The following STOX1 variants were observed in gnomAD, a reference collection of about 807,000 sequenced individuals.
STOX1 encodes storkhead box 1.
STOX1 carries 57 observed loss-of-function variants against 74.8 expected under a neutral mutation model. The observed-to-expected ratio is 0.76, with a 90% CI of 0.62 to 0.95. The LOEUF (loss-of-function observed/expected upper bound fraction) is 0.95. Among genes scored for constraint, STOX1 ranks in the 40% least tolerant of loss-of-function variants. The probability of loss-of-function intolerance (pLI) is 0.00; values close to 1 mark genes in which losing one functional copy is unlikely to be tolerated. For synonymous variants in STOX1, 375 were observed against 401.3 expected, an observed-to-expected ratio of 0.93 and a Z score of 0.78; for missense variants, 1,010 against 1,117.0, an observed-to-expected ratio of 0.90 and a Z score of 1.37.
intron 1 of STOX1, among the ~76,000 whole-genome samples, chr10:68,853,410 A>G (rs1840039544): frequency 6.6e-6 from 1 of 152,152 alleles, no homozygotes; most frequent in African/African-American, 2.4e-5. Flanking sequence ...CTCATTTACC[A>G]TAAAGGTTTA....
rs1411100935 is a variant in STOX1, at chr10:68,886,460, T to C, written c.2664T>C (p.Pro888=). The C allele has an allele frequency of 6.2e-7, 1 of 1,614,092 alleles. No homozygotes were observed. The highest frequency in any genetic ancestry group is 1.7e-5 in the Admixed American group (1 of 59,978). ...AGCCAGCTAGCTGGAGTCAGAGTCC[T>C]CAGAATCAGGAAATGAGAAAACATT... ...GKKPASWSQS[P]QNQEMRKHFP... Residue 888 remains proline (P), a synonymous_variant, in exon 3 of 4, where the codon CCT becomes CCC. Coordinates refer to ENST00000298596, the MANE Select transcript of STOX1 (RefSeq NM_152709.5).
chr10:68,844,894 CT>C (rs1274519143), intron 1 of STOX1, among the ~76,000 whole-genome samples: 1 of 151,884 alleles, frequency 6.6e-6, no homozygotes, highest in Non-Finnish European at 1.5e-5. Flanking sequence ...TCCCAAGTAG[CT>C]GAGACTACAG....
intron 1 of STOX1, among the ~76,000 whole-genome samples, chr10:68,861,745 C>T (rs7078797): frequency 6.6e-6 from 1 of 151,932 alleles, no homozygotes; most frequent in Non-Finnish European, 1.5e-5. Context: ...TATGGCTGCC[C>T]ATCTTTCTGC....
chr10:68,885,329 C>G lies in STOX1; in HGVS notation c.1533C>G (p.His511Gln). The G allele has an allele frequency of 6.2e-7, 1 of 1,614,152 alleles. No homozygotes were observed. ...SHRGSTISKGHKIQKTSDLKP... is the reference protein window; with the variant it reads ...SHRGSTISKGQKIQKTSDLKP... ...GAGGAAGCACAATATCCAAAGGGCA[C>G]AAAATTCAGAAGACGAGTGATCTGA... The change falls in exon 3 of 4, where the codon CAC becomes CAG. Residue 511 changes from histidine (H) to glutamine (Q), a missense_variant. By Grantham distance (24) the His-to-Gln change is conservative (BLOSUM62 0). Transcript: ENST00000298596.
chr10:68,839,689 A>T (rs886432308), intron 1 of STOX1, among the ~76,000 whole-genome samples: 1 of 152,218 alleles, frequency 6.6e-6, no homozygotes. Context: ...CAGGAGTTTG[A>T]GACCAGCCTG....
intron 1 of STOX1, among the ~76,000 whole-genome samples, chr10:68,828,431 G>A (rs1005154947): frequency 6.6e-5 from 10 of 152,132 alleles, no homozygotes; most frequent in Non-Finnish European, 1.3e-4. Flanking sequence ...GGGCCAAGAC[G>A]CCCCGGAGAC....
At chr10:68,864,601 G>A (rs527951437) in intron 1 of STOX1, among the ~76,000 whole-genome samples, 13 of 152,222 alleles carry the variant, frequency 8.5e-5, no homozygotes, top group Non-Finnish European at 1.9e-4. Context: ...AGGAGTCAAA[G>A]TCAGTGAATT....
rs116057553 is a variant in STOX1, at chr10:68,867,473, G to A, written c.311-14485G>A. On this transcript the variant is annotated intron_variant, in intron 1 of 3. Coordinates refer to ENST00000298596, the MANE Select transcript of STOX1 (RefSeq NM_152709.5). ...AGAACTGAGGGTGGTTGCTCAGGGC[G>A]CTGTTCTAATAGCCACTGGGGTGAC... Among the ~76,000 whole-genome samples, 357 of 152,216 alleles carry A rather than the reference G, an allele frequency of 2.3e-3. 1 individual carries two copies. The highest frequency in any genetic ancestry group is 8.3e-3 in the African/African-American group (343 of 41,532).
intron 3 of STOX1, 139 bp from the exon 4 acceptor site, chr10:68,892,449 TA>T: frequency 1.3e-6 from 1 of 780,276 alleles, no homozygotes; most frequent in Non-Finnish European, 2.1e-6. Context: ...TTCGGATTTT[TA>T]AAGGTTAACT....
At chr10:68,874,203 C>T (rs546893565) in intron 1 of STOX1, among the ~76,000 whole-genome samples, 5 of 151,884 alleles carry the variant, frequency 3.3e-5, no homozygotes, top group African/African-American at 4.8e-5. Flanking sequence ...AACATCTTAA[C>T]GTATGTCCCT....
At chr10:68,835,127 C>G (rs1291278453) in intron 1 of STOX1, among the ~76,000 whole-genome samples, 1 of 152,060 alleles carries the variant, frequency 6.6e-6, no homozygotes, top group African/African-American at 2.4e-5. Context: ...CTGTAGCCTC[C>G]ACCTCCTGGG....
rs1191380144 is a variant in STOX1 at position 68,885,175 on chromosome 10, C to A, written c.1379C>A (p.Pro460His). The A allele has an allele frequency of 6.2e-7, 1 of 1,614,000 alleles. No homozygotes were observed. The highest frequency in any genetic ancestry group is 2.2e-5 in the East Asian group (1 of 44,898). Residue 460 changes from proline (P) to histidine (H), a missense_variant, in exon 3 of 4, where the codon CCC (proline) becomes CAC (histidine). By Grantham distance (77) the Pro-to-His change is moderately conservative (BLOSUM62 -2). Coordinates refer to ENST00000298596, the MANE Select transcript of STOX1 (RefSeq NM_152709.5). Reference protein sequence around the residue: ...EKHPKLPATQPIPRIKSPNEM... With the variant: ...EKHPKLPATQHIPRIKSPNEM... ...CACCCCAAGCTCCCTGCTACACAGC[C>A]CATCCCCAGAATTAAAAGCCCAAAT...
intron 1 of STOX1, among the ~76,000 whole-genome samples, chr10:68,859,584 A>G (rs557583697): frequency 1.3e-5 from 2 of 152,280 alleles, no homozygotes; most frequent in Admixed American, 1.3e-4. Flanking sequence ...CAAATCCAGA[A>G]GGTCTAATCA....
At chr10:68,892,561 A>G (rs745889520) in intron 3 of STOX1, 28 bp from the exon 4 acceptor site, 2 of 1,610,110 alleles carry the variant, frequency 1.2e-6, no homozygotes, top group Non-Finnish European at 8.5e-7. Context: ...TTCGAAGCCA[A>G]TAATTCTGTT....
At chr10:68,874,124 G>A (rs1840618676) in intron 1 of STOX1, among the ~76,000 whole-genome samples, 2 of 141,034 alleles carry the variant, frequency 1.4e-5, no homozygotes, top group African/African-American at 5.3e-5. Flanking sequence ...TAAAAAGGCA[G>A]TAACCTAAAA....
intron 1 of STOX1, among the ~76,000 whole-genome samples, chr10:68,879,933 G>C (rs1052779765): frequency 6.6e-6 from 1 of 152,072 alleles, no homozygotes; most frequent in Non-Finnish European, 1.5e-5. Flanking sequence ...CTGGCTATAG[G>C]CTTATAGCAC....
At position 68,885,450 on chromosome 10, in the gene STOX1, G is replaced by A; in HGVS notation, c.1654G>A (p.Ala552Thr). Residue 552 changes from alanine (A) to threonine (T), a missense_variant, in exon 3 of 4, where the codon GCT becomes ACT. Coordinates refer to ENST00000298596, the MANE Select transcript of STOX1 (RefSeq NM_152709.5). ...IFDGKAKEPY[A>T]EQPNDKMEAE... ...TGATGGTAAAGCCAAAGAGCCATAT[G>A]CTGAACAACCTAATGATAAAATGGA... The A allele has an allele frequency of 6.2e-7, 1 of 1,614,160 alleles. No individual in the cohort carries two copies. The highest frequency in any genetic ancestry group is 8.5e-7 in the Non-Finnish European group (1 of 1,180,044).
intron 3 of STOX1, 140 bp downstream of exon 3, chr10:68,886,758 C>G (rs1840974346): frequency 1.4e-6 from 1 of 710,348 alleles, no homozygotes; most frequent in Non-Finnish European, 2.4e-6. Flanking sequence ...GAAACCCCAT[C>G]TCTACTAAAA....
chr10:68,844,930 T>A (rs1013277286), intron 1 of STOX1, among the ~76,000 whole-genome samples: 2 of 151,576 alleles, frequency 1.3e-5, no homozygotes, highest in Non-Finnish European at 2.9e-5. Context: ...GCCCAGCTAA[T>A]TTTTGTATTT....
Sources: allele counts gnomAD v4.1 joint callset (sites outside exome capture counted in the v4.1 genomes callset), GRCh38; gene constraint gnomAD v4.1.1; transcripts MANE v1.5; gene names NCBI Gene and HGNC (gene_info 2026-07-23, HGNC 2026-07-21).